C8A: variants seen among roughly 807,000 people sequenced by gnomAD.
C8A encodes complement component C8 alpha chain.
C8A carries 67 observed loss-of-function variants against 65.3 expected under a neutral mutation model. That is an observed-to-expected ratio of 1.03 (90% CI 0.84 to 1.26). The LOEUF is 1.26. Among genes scored for constraint, C8A ranks in the 50% most tolerant of loss-of-function variants. C8A has a pLI of 0.00. For missense variants in C8A, 781 were observed against 723.9 expected, an observed-to-expected ratio of 1.08 and a Z score of -0.90; for synonymous variants, 290 against 259.4, an observed-to-expected ratio of 1.12 and a Z score of -1.13.
intron 7 of C8A, among the ~76,000 whole-genome samples, chr1:56,894,356 G>T (rs1238499642): frequency 1.3e-5 from 2 of 152,020 alleles, no homozygotes; most frequent in African/African-American, 4.8e-5. Flanking sequence ...ATCCAGTTTT[G>T]GAGGGACCAC....
chr1:56,891,691 G>A (rs1429356046), intron 7 of C8A, among the ~76,000 whole-genome samples: 3 of 152,102 alleles, frequency 2.0e-5, no homozygotes, highest in African/African-American at 7.2e-5. Flanking sequence ...TCTCTAAATT[G>A]TATTTTTATC....
At chr1:56,898,476 G>T (rs1048393854) in intron 7 of C8A, among the ~76,000 whole-genome samples, 1 of 152,054 alleles carries the variant, frequency 6.6e-6, no homozygotes, top group Non-Finnish European at 1.5e-5. Flanking sequence ...TCCTTGATTT[G>T]CATATGCTAT....
At chr1:56,874,740 G>A (rs1170308637) in intron 2 of C8A, among the ~76,000 whole-genome samples, 1 of 152,186 alleles carries the variant, frequency 6.6e-6, no homozygotes, top group Non-Finnish European at 1.5e-5. Flanking sequence ...GATGCTTGGA[G>A]GCCCTATTCA....
Position 56,907,871 on chromosome 1 carries a change from T to C in C8A, c.1223-85T>C, listed in dbSNP as rs546602989. On this transcript the variant is annotated intron_variant, in intron 8 of 10. Transcript: ENST00000361249. ...ATCTAAGGAAAACATGTAAACTTTC[T>C]TCCAAATCTCATTAGTGGGGTTTGT... is the stretch of plus-strand genomic sequence containing the variant. 1.1e-4 allele frequency: 161 copies of C among 1,487,700 alleles called. 3 individuals are homozygous for C. In the South Asian group the frequency reaches 1.8e-3, roughly 16 times the overall value. The allele number at this position is 1,487,700 out of a possible 1,614,324, so 92.2% of individuals were successfully genotyped here. A position where few individuals can be genotyped will look rare whatever the true frequency, so the allele number is the denominator to read the frequency against.
intron 4 of C8A, among the ~76,000 whole-genome samples, chr1:56,878,621 A>AT (rs760544998): frequency 2.6e-5 from 4 of 151,662 alleles, no homozygotes; most frequent in Admixed American, 6.6e-5. Context: ...TCTTGCTCTT[A>AT]TTTTTTTTCT....
chr1:56,910,573 A>C (rs1239708074), intron 9 of C8A, among the ~76,000 whole-genome samples: 1 of 152,224 alleles, frequency 6.6e-6, no homozygotes. Context: ...TGGAACTAAC[A>C]GTCATCTTTG....
chr1:56,872,468 AT>A (rs1215172691), intron 2 of C8A, among the ~76,000 whole-genome samples: 2 of 152,184 alleles, frequency 1.3e-5, no homozygotes, highest in African/African-American at 4.8e-5. Flanking sequence ...TTAAGATAAT[AT>A]ATCTTAATTC....
At chr1:56,916,510 G>A (rs372681142) in intron 10 of C8A, among the ~76,000 whole-genome samples, 5 of 152,180 alleles carry the variant, frequency 3.3e-5, no homozygotes, top group East Asian at 1.9e-4. Context: ...TGCCCCATCA[G>A]GGAGTATAAT....
chr1:56,877,178 T>C (rs1190221593), intron 4 of C8A, among the ~76,000 whole-genome samples: 1 of 152,210 alleles, frequency 6.6e-6, no homozygotes, highest in Non-Finnish European at 1.5e-5. Flanking sequence ...ACAACCTTGA[T>C]AACACCTTGA....
chr1:56,871,197 G>A lies in C8A; in HGVS notation c.171+3495G>A, dbSNP rs150036722. On this transcript the variant is annotated intron_variant, in intron 2 of 10. Transcript: ENST00000361249. Reference sequence around the variant, plus strand: ...TGCAAATGCCTTAAAAAATTATCTTGTTTGACTTTCACAGCCAACTGTAAA... The same window carrying A: ...TGCAAATGCCTTAAAAAATTATCTTATTTGACTTTCACAGCCAACTGTAAA... Among the ~76,000 whole-genome samples, 1,038 of 152,274 alleles carry A rather than the reference G, an allele frequency of 6.8e-3. 9 individuals are homozygous for A. The highest frequency in any genetic ancestry group is 0.017 in the African/African-American group (724 of 41,558).
chr1:56,912,197 G>A (rs965889630), intron 9 of C8A, among the ~76,000 whole-genome samples: 1 of 152,196 alleles, frequency 6.6e-6, no homozygotes, highest in Admixed American at 6.5e-5. Context: ...TAAACACTGA[G>A]CCTCCCTTTC....
chr1:56,878,659 T>G (rs1644222365), intron 4 of C8A, among the ~76,000 whole-genome samples: 1 of 152,162 alleles, frequency 6.6e-6, no homozygotes, highest in Admixed American at 6.6e-5. Flanking sequence ...GATTAAAATT[T>G]TTATTTATTG....
intron 4 of C8A, among the ~76,000 whole-genome samples, chr1:56,879,134 T>C (rs969585637): frequency 2.0e-5 from 3 of 152,324 alleles, no homozygotes. Flanking sequence ...AACACAGCCC[T>C]GTGACCTGCA....
chr1:56,879,368 C>T (rs1644229123), intron 4 of C8A, among the ~76,000 whole-genome samples: 1 of 152,170 alleles, frequency 6.6e-6, no homozygotes, highest in Non-Finnish European at 1.5e-5. Flanking sequence ...AGTAGAACTT[C>T]TTTGACTACA....
chr1:56,914,152 A>G (rs1040467654), intron 10 of C8A, among the ~76,000 whole-genome samples: 1 of 152,252 alleles, frequency 6.6e-6, no homozygotes, highest in Admixed American at 6.5e-5. Context: ...CAAGTCCCAC[A>G]TAAACTGCCA....
intron 5 of C8A, among the ~76,000 whole-genome samples, chr1:56,882,541 T>G (rs1232475110): frequency 6.6e-6 from 1 of 152,082 alleles, no homozygotes; most frequent in Non-Finnish European, 1.5e-5. Flanking sequence ...AGAGATAGAT[T>G]ATACACTTTC....
chr1:56,864,161 G>T (rs1375841711), intron 1 of C8A, among the ~76,000 whole-genome samples: 1 of 152,088 alleles, frequency 6.6e-6, no homozygotes, highest in Non-Finnish European at 1.5e-5. Flanking sequence ...CAACCAGTCT[G>T]GATATCAGGA....
intron 9 of C8A, among the ~76,000 whole-genome samples, chr1:56,911,070 T>TTTTTTG (rs200194688): frequency 0.02 from 3,000 of 151,740 alleles, 107 homozygotes; most frequent in African/African-American, 0.07. Flanking sequence ...CATGGGTTTT[T>TTTTTTG]TTTTTTTTTT....
chr1:56,916,752 C>G (rs573873473), intron 10 of C8A, among the ~76,000 whole-genome samples: 1 of 152,354 alleles, frequency 6.6e-6, no homozygotes, highest in East Asian at 1.9e-4. Flanking sequence ...AAAAAAACCA[C>G]TGGATTAGTC....
Sources: allele counts gnomAD v4.1 joint callset (sites outside exome capture counted in the v4.1 genomes callset), GRCh38; gene constraint gnomAD v4.1.1; transcripts MANE v1.5; gene names NCBI Gene and HGNC (gene_info 2026-07-23, HGNC 2026-07-21).